Variants in NAA35 observed in about 807,000 individuals in gnomAD.
NAA35 encodes the protein MAK10 homolog, amino-acid N-acetyltransferase subunit.
A neutral mutation model predicts 101.7 loss-of-function variants in NAA35; 18 were observed. The ratio of observed to expected loss-of-function variants is 0.18; its 90% confidence interval spans 0.12 to 0.26. NAA35 has a LOEUF of 0.26. Among genes scored for constraint, NAA35 ranks in the 10% least tolerant of loss-of-function variants. The probability of loss-of-function intolerance (pLI) is 1.00; values close to 1 mark genes in which losing one functional copy is unlikely to be tolerated. For missense variants in NAA35, 601 were observed against 886.8 expected, an observed-to-expected ratio of 0.68 and a Z score of 4.09; for synonymous variants, 267 against 273.1, an observed-to-expected ratio of 0.98 and a Z score of 0.22.
intron 11 of NAA35, chr9:85,986,415 G>A (rs953253153): frequency 4.3e-6 from 2 of 469,906 alleles, no homozygotes; most frequent in African/African-American, 4.0e-5. Context: ...ATTTGTATGT[G>A]GTTACAGTGC....
intron 11 of NAA35, among the ~76,000 whole-genome samples, chr9:85,981,755 C>T (rs1256183923): frequency 2.0e-5 from 3 of 152,134 alleles, no homozygotes; most frequent in Non-Finnish European, 2.9e-5. Flanking sequence ...CATAATTTAA[C>T]GTTCTAATTA....
intron 11 of NAA35, among the ~76,000 whole-genome samples, chr9:85,993,268 GT>G (rs1831003859): frequency 6.6e-6 from 1 of 152,172 alleles, no homozygotes; most frequent in South Asian, 2.1e-4. Context: ...TGCCTGCCAG[GT>G]TCAAATGATT....
intron 2 of NAA35, among the ~76,000 whole-genome samples, chr9:85,948,788 G>A (rs1268295671): frequency 4.6e-5 from 7 of 151,598 alleles, no homozygotes; most frequent in South Asian, 2.1e-4. Context: ...GTGGAGTTTC[G>A]CTCTTGCTGC....
intron 13 of NAA35, among the ~76,000 whole-genome samples, chr9:86,004,902 T>C (rs549554692): frequency 1.3e-5 from 2 of 152,330 alleles, no homozygotes; most frequent in South Asian, 2.1e-4. Flanking sequence ...ATCAGACTTA[T>C]AGTTAAAAAC....
In NAA35 at chr9:86,024,033, T is replaced by C. The variant is rs966501356; in HGVS notation, c.*2073T>C. On this transcript the variant is annotated 3_prime_UTR_variant, in exon 23 of 23. Transcript: ENST00000361671. Reference sequence around the variant, plus strand: ...AATTATAAAAACAAATTTGCCATTTTATAATTTTTAAAGTAATCTGCCATT... The same window carrying C: ...AATTATAAAAACAAATTTGCCATTTCATAATTTTTAAAGTAATCTGCCATT... Among the ~76,000 whole-genome samples, 3 of 152,234 alleles carry C rather than the reference T, an allele frequency of 2.0e-5. No homozygotes were observed. The highest frequency in any genetic ancestry group is 1.9e-4 in the East Asian group (1 of 5,194).
At chr9:85,955,993 G>A (rs1829258237) in intron 2 of NAA35, among the ~76,000 whole-genome samples, 1 of 152,174 alleles carries the variant, frequency 6.6e-6, no homozygotes, top group Non-Finnish European at 1.5e-5. Context: ...TTATGGTAAC[G>A]TGGTTTAAAA....
chr9:85,956,110 A>G (rs562029781), intron 2 of NAA35, among the ~76,000 whole-genome samples: 1 of 152,324 alleles, frequency 6.6e-6, no homozygotes, highest in South Asian at 2.1e-4. Context: ...ATGGCCTGCG[A>G]TGGGTCACTT....
At position 86,007,513 on chromosome 9, in the gene NAA35, A is replaced by T. The variant is rs540892378; in HGVS notation, c.1223+49A>T. On this transcript the variant is annotated intron_variant, in intron 14 of 22. Coordinates refer to ENST00000361671, the MANE Select transcript of NAA35 (RefSeq NM_024635.4). ...AGTTGTATGTATGTGCTCCTTTAAA[A>T]GCCCAACTTCTCTGTACTCCTTCTT... The T allele has an allele frequency of 2.1e-6, 3 of 1,397,836 alleles. No homozygotes were observed. The African/African-American group carries it at 4.2e-5, about 20-fold the overall frequency. The allele number at this position is 1,397,836 out of a possible 1,614,324, so 86.6% of individuals were successfully genotyped here.
At chr9:85,951,227 A>G (rs776012801) in intron 2 of NAA35, among the ~76,000 whole-genome samples, 1 of 152,260 alleles carries the variant, frequency 6.6e-6, no homozygotes, top group Non-Finnish European at 1.5e-5. Flanking sequence ...AAACAAAAAA[A>G]TAATATACAA....
rs184590466 is a variant in NAA35 at position 85,975,645 on chromosome 9, G to A, written c.627+488G>A. 1.6e-3 allele frequency among the ~76,000 whole-genome samples: 250 copies of A among 151,928 alleles called. 1 individual carries two copies. Among genetic ancestry groups the A allele is most frequent in the African/African-American group, 3.8e-3 (157 of 41,430 alleles). ...TTTTTTCTGAATACTTTCAATCAGC[G>A]GTTGGTTGAATCCAACCCATGGATA... is the stretch of plus-strand genomic sequence containing the variant. On this transcript the variant is annotated intron_variant, in intron 8 of 22. Coordinates refer to ENST00000361671, the MANE Select transcript of NAA35 (RefSeq NM_024635.4).
intron 13 of NAA35, among the ~76,000 whole-genome samples, chr9:86,004,667 CTAATGAGGCATAATAAGAGAAAGATA>C: frequency 6.6e-6 from 1 of 152,036 alleles, no homozygotes; most frequent in East Asian, 1.9e-4. Flanking sequence ...CAATGAACCT[CTAATGAGGCATAATAAGAGAAAGATA>C]AAAATGACTA....
At chr9:86,009,961 G>A in intron 15 of NAA35, 30 bp downstream of exon 15, 3 of 1,574,178 alleles carry the variant, frequency 1.9e-6, no homozygotes, top group Non-Finnish European at 2.6e-6. Context: ...TTGTCATAAT[G>A]GGTACTTTAA....
rs187137210 is a variant in NAA35, at chr9:86,023,177, G to A, written c.*1217G>A. Reference sequence around the variant, plus strand: ...CCTCTTGGCTCTCCTTTCCAAGAGCGGTAATACTTGTGTTATTCAAGAACA... The same window carrying A: ...CCTCTTGGCTCTCCTTTCCAAGAGCAGTAATACTTGTGTTATTCAAGAACA... On this transcript the variant is annotated 3_prime_UTR_variant, in exon 23 of 23. Coordinates refer to ENST00000361671, the MANE Select transcript of NAA35 (RefSeq NM_024635.4). Among the ~76,000 whole-genome samples, 217 of 152,174 alleles carry A rather than the reference G, an allele frequency of 1.4e-3. No homozygotes were observed. The highest frequency in any genetic ancestry group is 2.1e-3 in the Non-Finnish European group (146 of 68,004).
chr9:86,020,452 C>T (rs772365909), intron 21 of NAA35, among the ~76,000 whole-genome samples: 4 of 151,966 alleles, frequency 2.6e-5, no homozygotes, highest in Non-Finnish European at 4.4e-5. Flanking sequence ...AAATGAAGTT[C>T]TATATTATTA....
intron 14 of NAA35, among the ~76,000 whole-genome samples, chr9:86,008,354 A>G (rs1831742686): frequency 6.6e-6 from 1 of 152,148 alleles, no homozygotes; most frequent in Non-Finnish European, 1.5e-5. Flanking sequence ...GAGCCACTGC[A>G]CCGGCCTAAT....
At position 85,962,031 on chromosome 9, in the gene NAA35, C is replaced by T. The variant is rs775977172; in HGVS notation, c.367C>T (p.His123Tyr). ...FCCLITWLEG[H>Y]SLAQTVFTCL... ...TTTATAGATAACGTGGTTAGAAGGC[C>T]ATTCACTGGCACAGACAGTATTTAC... Residue 123 changes from histidine to tyrosine, a missense_variant, in exon 6 of 23, where the codon CAT becomes TAT. By Grantham distance (83) the His-to-Tyr change is moderately conservative (BLOSUM62 2). This residue lies in a region of NAA35 where 86 missense variants were observed against 169.4 expected (regional missense o/e 0.51). Coordinates refer to ENST00000361671, the MANE Select transcript of NAA35 (RefSeq NM_024635.4). 1 of 1,607,112 alleles carries T rather than the reference C, an allele frequency of 6.2e-7. No homozygotes were observed. The highest frequency in any genetic ancestry group is 8.5e-7 in the Non-Finnish European group (1 of 1,177,984).
chr9:86,018,726 C>T lies in NAA35; in HGVS notation c.1942C>T (p.Pro648Ser), dbSNP rs1165455353. 1.2e-6 allele frequency: 2 copies of T among 1,613,676 alleles called. No individual in the cohort carries two copies. Among genetic ancestry groups the T allele is most frequent in the Non-Finnish European group, 1.7e-6 (2 of 1,179,928 alleles). Residue 648 changes from proline (P) to serine (S), a missense_variant, in exon 21 of 23, where the codon CCT becomes TCT. By Grantham distance (74) the Pro-to-Ser change is moderately conservative (BLOSUM62 -1). This residue lies in a region of NAA35 where 90 missense variants were observed against 108.7 expected (regional missense o/e 0.83). Transcript: ENST00000361671. The part of the protein sequence containing the change: ...KEMSDLNKYS[P>S]PPQSPELYVA... ...AATGTCTGACCTCAATAAATATAGC[C>T]CTCCTCCTCAGTCTCCTGAACTGTA... is the stretch of plus-strand genomic sequence containing the variant.
Position 85,974,960 on chromosome 9 carries a change from T to G in NAA35, c.517-7T>G, listed in dbSNP as rs761630340. 2.1e-5 allele frequency: 33 copies of G among 1,606,578 alleles called. No homozygotes were observed. The highest frequency in any genetic ancestry group is 1.8e-4 in the Middle Eastern group (1 of 5,612). On this transcript the variant is annotated splice_polypyrimidine_tract_variant and splice_region_variant and intron_variant, in intron 6 of 22. Coordinates refer to ENST00000361671, the MANE Select transcript of NAA35 (RefSeq NM_024635.4). ...TTCATGAGCCTGATTATTTCCTTTT[T>G]GTATAGGAAGATTTTCAGTCAATGA...
At chr9:86,015,775 T>C (rs1832179152) in intron 17 of NAA35, 2 of 976,426 alleles carry the variant, frequency 2.0e-6, no homozygotes, top group Non-Finnish European at 2.4e-6. Context: ...CACTCATGTG[T>C]CCTTAGGTTA....
Sources: allele counts gnomAD v4.1 joint callset (sites outside exome capture counted in the v4.1 genomes callset), GRCh38; gene constraint gnomAD v4.1.1; regional missense constraint gnomAD v4.1.1; transcripts MANE v1.5; gene names NCBI Gene and HGNC (gene_info 2026-07-23, HGNC 2026-07-21).